Variants in TTC29 observed in about 807,000 individuals in gnomAD.
TTC29 encodes tetratricopeptide repeat protein 29.
A neutral mutation model predicts 58.1 loss-of-function variants in TTC29; 49 were observed. That is an observed-to-expected ratio of 0.84 (90% confidence interval 0.67 to 1.07). TTC29 has a LOEUF of 1.07. TTC29 is among the 50% of genes least tolerant of loss of function. The pLI is 0.00. For synonymous variants in TTC29, 209 were observed against 196.8 expected, an observed-to-expected ratio of 1.06 and a Z score of -0.52; for missense variants, 582 against 555.6, an observed-to-expected ratio of 1.05 and a Z score of -0.48.
chr4:146,887,458 A>G (rs527387410), intron 6 of TTC29, among the ~76,000 whole-genome samples: 126 of 152,216 alleles, frequency 8.3e-4, no homozygotes, highest in African/African-American at 2.8e-3. Flanking sequence ...ATTTGTGTAG[A>G]GTATGATAGG....
chr4:146,943,169 CTTTTTTTTTTT>C (rs61184684), intron 2 of TTC29, among the ~76,000 whole-genome samples: 3 of 59,470 alleles, frequency 5.0e-5, no homozygotes, highest in Non-Finnish European at 1.1e-4. Context: ...ATCAACTGTG[CTTTTTTTTTTT>C]TTTTTTTTTT....
chr4:146,801,730 AG>A (rs1275352399), intron 11 of TTC29, among the ~76,000 whole-genome samples: 3 of 152,224 alleles, frequency 2.0e-5, no homozygotes, highest in African/African-American at 4.8e-5. Flanking sequence ...TAATCCCAGC[AG>A]TTTGGGAGGC....
At chr4:146,784,186 T>A (rs1448122330) in intron 11 of TTC29, among the ~76,000 whole-genome samples, 2 of 152,004 alleles carry the variant, frequency 1.3e-5, no homozygotes, top group East Asian at 3.9e-4. Flanking sequence ...TAAAAGGACA[T>A]AAATATAGTG....
At chr4:146,877,222 G>A (rs986197627) in intron 6 of TTC29, among the ~76,000 whole-genome samples, 15 of 152,074 alleles carry the variant, frequency 9.9e-5, no homozygotes, top group African/African-American at 3.6e-4. Flanking sequence ...ATGTCTGGGA[G>A]GTAGGATTAT....
intron 11 of TTC29, among the ~76,000 whole-genome samples, chr4:146,768,110 T>TTATG (rs1378960342): frequency 1.3e-5 from 2 of 152,066 alleles, no homozygotes; most frequent in African/African-American, 4.8e-5. Flanking sequence ...TCAAAATGTG[T>TTATG]TATGATATGT....
chr4:146,776,549 T>G (rs2150080662), intron 11 of TTC29, among the ~76,000 whole-genome samples: 1 of 152,030 alleles, frequency 6.6e-6, no homozygotes, highest in African/African-American at 2.4e-5. Context: ...AGGGCCAAGG[T>G]TTAGCTCAGC....
At position 146,917,076 on chromosome 4, in the gene TTC29, A is replaced by T. The variant is rs145193885; in HGVS notation, c.177-7827T>A. On this transcript the variant is annotated intron_variant, in intron 4 of 12. Transcript: ENST00000325106. The stretch of plus-strand genomic sequence containing the variant: ...GATTCTCTAAAACAAATCATTTTGT[A>T]TCTCATACATCCACCAATCATAAAT... 1.9e-3 allele frequency among the ~76,000 whole-genome samples: 293 copies of T among 151,336 alleles called. 8 individuals are homozygous for T. The East Asian group carries it at 0.052, about 27-fold the overall frequency.
At chr4:146,787,209 A>G (rs560362695) in intron 11 of TTC29, among the ~76,000 whole-genome samples, 1 of 152,242 alleles carries the variant, frequency 6.6e-6, no homozygotes, top group African/African-American at 2.4e-5. Context: ...GTGATGGTAC[A>G]TGAATAGCAT....
chr4:146,928,454 A>C (rs1412685009), intron 4 of TTC29, among the ~76,000 whole-genome samples: 1 of 152,216 alleles, frequency 6.6e-6, no homozygotes, highest in Non-Finnish European at 1.5e-5. Flanking sequence ...TTTTTGCAAG[A>C]AGATGAATTT....
intron 3 of TTC29, among the ~76,000 whole-genome samples, chr4:146,938,627 G>C (rs1234828409): frequency 6.6e-6 from 1 of 152,136 alleles, no homozygotes; most frequent in Non-Finnish European, 1.5e-5. Flanking sequence ...TTCATTGAAA[G>C]ATTTCTCCGC....
At chr4:146,844,385 A>G (rs1404925334) in intron 8 of TTC29, among the ~76,000 whole-genome samples, 1 of 152,176 alleles carries the variant, frequency 6.6e-6, no homozygotes, top group Non-Finnish European at 1.5e-5. Context: ...TTAACAAGAT[A>G]CATATTGATG....
intron 6 of TTC29, among the ~76,000 whole-genome samples, chr4:146,899,085 C>A (rs1732965191): frequency 6.6e-6 from 1 of 152,196 alleles, no homozygotes; most frequent in Admixed American, 6.5e-5. Context: ...CCCCCCAAAC[C>A]TCACCAATAA....
intron 11 of TTC29, among the ~76,000 whole-genome samples, chr4:146,723,582 C>T (rs1401055355): frequency 6.6e-6 from 1 of 152,096 alleles, no homozygotes; most frequent in African/African-American, 2.4e-5. Flanking sequence ...CATGAACAGA[C>T]ACTTCTCAAA....
At chr4:146,871,622 G>A (rs527780857) in intron 7 of TTC29, among the ~76,000 whole-genome samples, 1 of 151,780 alleles carries the variant, frequency 6.6e-6, no homozygotes, top group African/African-American at 2.4e-5. Flanking sequence ...GGTTATGAAC[G>A]ATCTGAAAAT....
chr4:146,724,801 C>T (rs762441262), intron 11 of TTC29, among the ~76,000 whole-genome samples: 1 of 152,222 alleles, frequency 6.6e-6, no homozygotes, highest in South Asian at 2.1e-4. Context: ...CACCATCATG[C>T]CTGGCCATCA....
chr4:146,725,896 A>G (rs1031482003), intron 11 of TTC29, among the ~76,000 whole-genome samples: 1 of 152,134 alleles, frequency 6.6e-6, no homozygotes, highest in Non-Finnish European at 1.5e-5. Flanking sequence ...TTTTAGAGTC[A>G]GGGTCTCACT....
At chr4:146,791,257 T>A (rs1027764455) in intron 11 of TTC29, among the ~76,000 whole-genome samples, 26 of 152,372 alleles carry the variant, frequency 1.7e-4, no homozygotes, top group South Asian at 8.3e-4. Flanking sequence ...TATGGTAACC[T>A]TGCTTTAAGC....
intron 6 of TTC29, among the ~76,000 whole-genome samples, chr4:146,902,140 G>A (rs930356567): frequency 1.3e-5 from 2 of 152,152 alleles, no homozygotes; most frequent in Non-Finnish European, 2.9e-5. Flanking sequence ...ATTGAGTGCA[G>A]CAGCTTCCTA....
intron 6 of TTC29, among the ~76,000 whole-genome samples, chr4:146,880,986 C>G (rs1269501791): frequency 6.6e-6 from 1 of 152,008 alleles, no homozygotes; most frequent in Non-Finnish European, 1.5e-5. Flanking sequence ...AGTTGCTCCA[C>G]TTAAGAAAAC....
Sources: gnomAD v4.1 joint callset for allele counts (sites outside exome capture counted in the v4.1 genomes callset) on GRCh38, gnomAD v4.1.1 for gene constraint, MANE v1.5 for transcripts, NCBI Gene and HGNC (gene_info 2026-07-23, HGNC 2026-07-21) for gene names.